Variants in UMODL1 observed in about 807,000 individuals in gnomAD.
UMODL1 encodes uromodulin like 1.
Under a neutral mutation model 136.3 loss-of-function variants are expected in UMODL1, and 128 were observed. The observed-to-expected ratio is 0.94, with a 90% CI of 0.81 to 1.09. The LOEUF (loss-of-function observed/expected upper bound fraction) is 1.09, where lower values mean the gene tolerates loss of function less well. Among genes scored for constraint, UMODL1 ranks in the 50% least tolerant of loss-of-function variants. The pLI is 0.00. For synonymous variants in UMODL1, 721 were observed against 720.0 expected, an observed-to-expected ratio of 1.00 and a Z score of -0.02; for missense variants, 1,766 against 1,725.6, an observed-to-expected ratio of 1.02 and a Z score of -0.41.
Position 42,122,564 on chromosome 21 carries a change from CGTGT to C in UMODL1, c.2828-263_2828-260del, listed in dbSNP as rs1206822164. 2.0e-5 allele frequency among the ~76,000 whole-genome samples: 3 copies of C among 146,636 alleles called. No individual in the cohort carries two copies. Among genetic ancestry groups the C allele is most frequent in the Non-Finnish European group, 4.5e-5 (3 of 66,178 alleles). On this transcript the variant is annotated intron_variant, in intron 16 of 22. Transcript: ENST00000408910. The surrounding 1 kb of genome is among the most constrained non-coding windows in gnomAD (Gnocchi z 4.3). ...ATGTGTGCGTGTGTGTGTGTCTGCA[CGTGT>C]GTGCGTGCGTGTGTGCATGTGTGTG...
At position 42,127,138 on chromosome 21, in the gene UMODL1, G is replaced by T; in HGVS notation, c.3426G>T (p.Gly1142=). The T allele has an allele frequency of 6.2e-7, 1 of 1,614,176 alleles. No homozygotes were observed. Among genetic ancestry groups the T allele is most frequent in the Non-Finnish European group, 8.5e-7 (1 of 1,180,040 alleles). The part of the protein sequence containing the change: ...SASDDVRIEV[G]LYRQKSNLKV... ...GTGACGATGTCAGGATCGAAGTGGG[G>T]CTCTACAGGCAGAAAAGCAACCTCA... The change falls in exon 19 of 23, where the codon GGG becomes GGT. Residue 1142 remains glycine (G), a synonymous_variant. Transcript: ENST00000408910.
intron 2 of UMODL1, 56 bp from the exon 3 acceptor site, chr21:42,084,028 G>A: frequency 1.3e-6 from 2 of 1,589,990 alleles, no homozygotes; most frequent in Admixed American, 3.4e-5. Context: ...TCCCCGTGCA[G>A]CAAATCAGGT....
chr21:42,064,629 G>T (rs1223768140), intron 1 of UMODL1, among the ~76,000 whole-genome samples: 1 of 149,972 alleles, frequency 6.7e-6, no homozygotes, highest in African/African-American at 2.5e-5. Flanking sequence ...TGATCTCGGC[G>T]CACTGCAACC....
intron 1 of UMODL1, among the ~76,000 whole-genome samples, chr21:42,073,651 C>T (rs1030859884): frequency 6.6e-6 from 1 of 152,230 alleles, no homozygotes; most frequent in Non-Finnish European, 1.5e-5. Context: ...TGCCCTATTT[C>T]TTCCTGGGGT....
chr21:42,102,092 G>C (rs565997994), intron 7 of UMODL1, 74 bp from the exon 8 acceptor site: 31 of 1,153,632 alleles, frequency 2.7e-5, no homozygotes, highest in East Asian at 1.7e-4. Context: ...CAAAGAGTAG[G>C]CTTCATGGAA....
At position 42,122,930 on chromosome 21, in the gene UMODL1, C is replaced by T. The variant is rs748655004; in HGVS notation, c.2927C>T (p.Pro976Leu). ...AAFVQGTSPT[P>L]QGLPQRLNLT... is the part of the protein sequence containing the mutation. ...TTTGTGCAAGGCACCAGCCCCACCC[C>T]CCAAGGCCTGCCCCAGCGGCTGAAC... Residue 976 changes from proline (P) to leucine (L), a missense_variant, in exon 17 of 23, where the codon CCC becomes CTC. Transcript: ENST00000408910. The surrounding 1 kb of genome is among the most constrained non-coding windows in gnomAD (Gnocchi z 4.3). 9 of 1,613,842 alleles carry T rather than the reference C, an allele frequency of 5.6e-6. No individual in the cohort carries two copies. In the African/African-American group the frequency reaches 6.7e-5, roughly 12 times the overall value.
At chr21:42,101,993 T>A in intron 7 of UMODL1, 173 bp from the exon 8 acceptor site, 2 of 546,524 alleles carry the variant, frequency 3.7e-6, no homozygotes, top group East Asian at 3.1e-5. Flanking sequence ...AGTGTTTGTT[T>A]ATTCTCTCGT....
intron 6 of UMODL1, among the ~76,000 whole-genome samples, chr21:42,092,074 C>G (rs996174955): frequency 2.0e-5 from 3 of 152,166 alleles, no homozygotes; most frequent in African/African-American, 7.2e-5. Flanking sequence ...AGGGAGGGTA[C>G]ACGCATGGGT....
intron 14 of UMODL1, among the ~76,000 whole-genome samples, chr21:42,118,350 A>G (rs867900604): frequency 1.8e-4 from 28 of 152,354 alleles, no homozygotes; most frequent in African/African-American, 5.8e-4. Flanking sequence ...AAGTGAGTCC[A>G]TGACCCAGGC....
rs1451510967 is a variant in UMODL1, at chr21:42,119,928, C to G, written c.2689+604C>G. ...GCAGAGATAAATCAAAATAAAGGCACCATTTTAACGCAAAGTAAACAAAAA... is the reference window on the plus strand; with the variant it reads ...GCAGAGATAAATCAAAATAAAGGCAGCATTTTAACGCAAAGTAAACAAAAA... On this transcript the variant is annotated intron_variant, in intron 15 of 22. Coordinates refer to ENST00000408910, the MANE Select transcript of UMODL1 (RefSeq NM_001004416.3). Among the ~76,000 whole-genome samples, 10 of 152,160 alleles carry G rather than the reference C, an allele frequency of 6.6e-5. No homozygotes were observed. The East Asian group carries it at 1.9e-3, about 29-fold the overall frequency.
At chr21:42,068,741 AGTGT>A (rs145267981), upstream of UMODL1, among the ~76,000 whole-genome samples, 9,050 of 152,122 alleles carry the variant, frequency 0.059, 346 homozygotes, top group African/African-American at 0.1. The surrounding 1 kb of genome is among the most constrained non-coding windows in gnomAD (Gnocchi z 5.5). Context: ...TGTGTTTGTA[AGTGT>A]GTGTAAGTGT....
intron 6 of UMODL1, among the ~76,000 whole-genome samples, chr21:42,097,891 C>T (rs2066577164): frequency 6.6e-6 from 1 of 152,176 alleles, no homozygotes; most frequent in African/African-American, 2.4e-5. Context: ...GAGCTTTGCT[C>T]TCTGAGGCAT....
chr21:42,102,056 C>T (rs2066640901), intron 7 of UMODL1, 110 bp from the exon 8 acceptor site: 7 of 730,542 alleles, frequency 9.6e-6, no homozygotes. Flanking sequence ...ATTCATGCCT[C>T]AATCTATTAA....
chr21:42,064,333 G>A (rs972726248), intron 1 of UMODL1, among the ~76,000 whole-genome samples: 3 of 152,206 alleles, frequency 2.0e-5, no homozygotes, highest in African/African-American at 4.8e-5. Flanking sequence ...CCCTCCTGCC[G>A]GACGGCCTCC....
chr21:42,136,216 T>G lies in UMODL1; in HGVS notation c.3776-1223T>G, dbSNP rs571374608. 1.3e-4 allele frequency among the ~76,000 whole-genome samples: 20 copies of G among 152,282 alleles called. No individual in the cohort carries two copies. The South Asian group carries it at 1.5e-3, about 11-fold the overall frequency. On this transcript the variant is annotated intron_variant, in intron 21 of 22. Coordinates refer to ENST00000408910, the MANE Select transcript of UMODL1 (RefSeq NM_001004416.3). ...CAGTTTTTAAAAAATTAAACTGAGA[T>G]GAAATTCACGTAACCTCAAGCTAAC...
chr21:42,119,249 G>A lies in UMODL1; in HGVS notation c.2614G>A (p.Val872Met). 6.2e-7 allele frequency: 1 copy of A among 1,614,228 alleles called. No individual in the cohort carries two copies. Among genetic ancestry groups the A allele is most frequent in the South Asian group, 1.1e-5 (1 of 91,084 alleles). The change falls in exon 15 of 23, where the codon GTG (valine) becomes ATG (methionine). Residue 872 changes from valine to methionine, a missense_variant. By Grantham distance (21) the Val-to-Met change is conservative. Transcript: ENST00000408910. ...AATCGCAGATGTGGATGTCCAGGAG[G>A]TGTCAGCTGCATTTCTCACCGCCTT... ...LIIADVDVQEVSAAFLTAFQT... is the reference protein window; with the variant it reads ...LIIADVDVQEMSAAFLTAFQT...
upstream of UMODL1, among the ~76,000 whole-genome samples, chr21:42,068,244 G>A (rs2066199147): frequency 6.6e-6 from 1 of 152,202 alleles, no homozygotes; most frequent in African/African-American, 2.4e-5. This position sits in a 1 kb window ranked among gnomAD's most constrained non-coding sequence, Gnocchi z 5.5. Context: ...ACACGGTCCC[G>A]TCCTCAAGGT....
intron 16 of UMODL1, 132 bp downstream of exon 16, chr21:42,121,356 G>A: frequency 9.4e-7 from 1 of 1,065,182 alleles, no homozygotes; most frequent in Middle Eastern, 3.1e-4. Flanking sequence ...TCCTGTGTGT[G>A]ATGTGGGTGC....
intron 21 of UMODL1, among the ~76,000 whole-genome samples, chr21:42,130,970 C>T (rs780308324): frequency 4.6e-5 from 7 of 152,104 alleles, no homozygotes; most frequent in Non-Finnish European, 5.9e-5. Context: ...CCCACCGCCA[C>T]GCCCGGCTAA....
Sources: allele counts gnomAD v4.1 joint callset (sites outside exome capture counted in the v4.1 genomes callset), GRCh38; gene constraint gnomAD v4.1.1; non-coding constraint Gnocchi (gnomAD v3.1); transcripts MANE v1.5; gene names NCBI Gene and HGNC (gene_info 2026-07-23, HGNC 2026-07-21).